PRKN: variants seen among roughly 807,000 people sequenced by gnomAD.
PRKN encodes E3 ubiquitin-protein ligase parkin.
A neutral mutation model predicts 59.5 loss-of-function variants in PRKN; 56 were observed. That is an observed-to-expected ratio of 0.94 (90% CI 0.76 to 1.18). PRKN has a LOEUF of 1.18. PRKN is among the 50% of genes most tolerant of loss of function. PRKN has a pLI of 0.00. For missense variants in PRKN, 657 were observed against 596.4 expected (o/e 1.10, Z -1.06); for synonymous variants, 250 against 222.1 (o/e 1.13, Z -1.12).
rs553653865 is a variant in PRKN at position 161,762,262 on chromosome 6, A to G, written c.871+23510T>C. On this transcript the variant is annotated intron_variant, in intron 7 of 11. Coordinates refer to ENST00000366898, the MANE Select transcript of PRKN (RefSeq NM_004562.3). Reference sequence around the variant, plus strand: ...TTAGCATAAGACAGTGAGCGAATGGACAGCAGTGGGAGAACCTGACAATGA... The same window carrying G: ...TTAGCATAAGACAGTGAGCGAATGGGCAGCAGTGGGAGAACCTGACAATGA... Among the ~76,000 whole-genome samples the G allele has an allele frequency of 7.9e-4, 121 of 152,372 alleles. 1 individual carries two copies. The highest frequency in any genetic ancestry group is 2.8e-3 in the African/African-American group (115 of 41,592).
intron 4 of PRKN, among the ~76,000 whole-genome samples, chr6:162,093,324 A>G (rs1332204238): frequency 2.6e-5 from 4 of 152,168 alleles, no homozygotes. Context: ...CCTTGCCTCT[A>G]CCAGGAACTC....
chr6:162,267,044 TGA>T (rs1277460624), intron 2 of PRKN, among the ~76,000 whole-genome samples: 1 of 152,154 alleles, frequency 6.6e-6, no homozygotes, highest in Non-Finnish European at 1.5e-5. Flanking sequence ...GTGAAGAACC[TGA>T]GTGAATTTTC....
intron 1 of PRKN, among the ~76,000 whole-genome samples, chr6:162,713,792 G>C (rs1240546916): frequency 6.6e-6 from 1 of 152,116 alleles, no homozygotes; most frequent in Non-Finnish European, 1.5e-5. Flanking sequence ...TAACCATTCA[G>C]AAGCAGAATT....
chr6:161,784,689 G>A (rs1463778087), intron 7 of PRKN, among the ~76,000 whole-genome samples: 4 of 152,110 alleles, frequency 2.6e-5, no homozygotes, highest in African/African-American at 7.2e-5. Context: ...AATATAAAAC[G>A]GTACAGCAGC....
At chr6:162,180,212 A>G (rs1783735809) in intron 4 of PRKN, among the ~76,000 whole-genome samples, 2 of 152,162 alleles carry the variant, frequency 1.3e-5, no homozygotes, top group Admixed American at 6.6e-5. Context: ...GTTTTCCCCA[A>G]CTAAACATTT....
chr6:162,449,609 C>T (rs1316708529), intron 1 of PRKN, among the ~76,000 whole-genome samples: 1 of 151,258 alleles, frequency 6.6e-6, no homozygotes, highest in African/African-American at 2.4e-5. Flanking sequence ...TAACTATTAC[C>T]TGCATACTCA....
At position 161,377,728 on chromosome 6, in the gene PRKN, A is replaced by T. The variant is rs1423781663; in HGVS notation, c.1167+9066T>A. On this transcript the variant is annotated intron_variant, in intron 10 of 11. Transcript: ENST00000366898. The surrounding 1 kb of genome is among the most constrained non-coding windows in gnomAD (Gnocchi z 4.2). ...CCTCGGGAATGGGATTAGTGCCCTT[A>T]TAAAGAGAGGGCATTAACCAGTCAC... 6.6e-6 allele frequency among the ~76,000 whole-genome samples: 1 copy of T among 152,140 alleles called. No individual in the cohort carries two copies. Among genetic ancestry groups the T allele is most frequent in the Non-Finnish European group, 1.5e-5 (1 of 68,038 alleles).
intron 1 of PRKN, among the ~76,000 whole-genome samples, chr6:162,612,398 G>T (rs1782228998): frequency 6.6e-6 from 1 of 151,730 alleles, no homozygotes; most frequent in African/African-American, 2.4e-5. Flanking sequence ...CGAAGGTTTA[G>T]ACATGTTAAC....
rs1784634083 is a variant in PRKN at position 161,353,341 on chromosome 6, A to AGGCCAAGAAGAATCTAGACC, written c.1286-3150_1286-3131dup. Among the ~76,000 whole-genome samples, 1 of 152,160 alleles carries AGGCCAAGAAGAATCTAGACC rather than the reference A, an allele frequency of 6.6e-6. No individual in the cohort carries two copies. Among genetic ancestry groups the AGGCCAAGAAGAATCTAGACC allele is most frequent in the African/African-American group, 2.4e-5 (1 of 41,446 alleles). On this transcript the variant is annotated intron_variant, in intron 11 of 11. Transcript: ENST00000366898. This position sits in a 1 kb window ranked among gnomAD's most constrained non-coding sequence, Gnocchi z 4.8. ...CTGGAGGAAGGAATGCTGCACAGGGAGGCCAAGAAGAATCTAGACCGGCAG... is the reference window on the plus strand; with the variant it reads ...CTGGAGGAAGGAATGCTGCACAGGGAGGCCAAGAAGAATCTAGACCGGCCAAGAAGAATCTAGACCGGCAG...
chr6:162,118,053 G>A (rs763092894), intron 4 of PRKN, among the ~76,000 whole-genome samples: 4 of 151,994 alleles, frequency 2.6e-5, no homozygotes, highest in Non-Finnish European at 5.9e-5. Context: ...CCAAGATCAC[G>A]CTGTTGCACT....
At chr6:162,589,069 T>G (rs1781193910) in intron 1 of PRKN, among the ~76,000 whole-genome samples, 1 of 152,166 alleles carries the variant, frequency 6.6e-6, no homozygotes. Flanking sequence ...CCATGGCTCA[T>G]CAATCTTGTA....
At position 161,573,525 on chromosome 6, in the gene PRKN, C is replaced by T. The variant is rs1166934035; in HGVS notation, c.872-4109G>A. On this transcript the variant is annotated intron_variant, in intron 7 of 11. Transcript: ENST00000366898. ...CACGAGGTCAGGAGATTGAGACCAT[C>T]GTGGCTAATACAGTGAAACCCCGTC... Among the ~76,000 whole-genome samples the T allele has an allele frequency of 4.0e-5, 6 of 150,768 alleles. No individual in the cohort carries two copies. In the East Asian group the frequency reaches 7.9e-4, roughly 20 times the overall value.
At chr6:162,015,040 A>G (rs1240440323) in intron 5 of PRKN, among the ~76,000 whole-genome samples, 1 of 152,182 alleles carries the variant, frequency 6.6e-6, no homozygotes, top group Non-Finnish European at 1.5e-5. Flanking sequence ...AATTTAAAAC[A>G]TATTATCTTG....
chr6:162,391,550 T>C (rs1383947900), intron 2 of PRKN, among the ~76,000 whole-genome samples: 151 of 101,654 alleles, frequency 1.5e-3, no homozygotes, highest in Middle Eastern at 9.3e-3. Flanking sequence ...ATGACTTCCT[T>C]CTGGAAGATA....
chr6:162,043,035 C>T (rs572806025), intron 5 of PRKN, among the ~76,000 whole-genome samples: 131 of 152,234 alleles, frequency 8.6e-4, no homozygotes, highest in African/African-American at 3.1e-3. Context: ...GCCTCATAAT[C>T]ATGGCGGGAG....
intron 1 of PRKN, among the ~76,000 whole-genome samples, chr6:162,552,949 C>T (rs1026543460): frequency 2.0e-4 from 30 of 152,188 alleles, no homozygotes; most frequent in African/African-American, 5.8e-4. Flanking sequence ...TCCACAGTGC[C>T]CAGTGCTGGA....
chr6:161,991,697 G>C (rs183590570), intron 5 of PRKN, among the ~76,000 whole-genome samples: 1 of 152,018 alleles, frequency 6.6e-6, no homozygotes, highest in East Asian at 2.0e-4. Context: ...CAAAAAATTA[G>C]CCTGGAGTGG....
rs115628384 is a variant in PRKN at position 162,151,975 on chromosome 6, T to C, written c.534+49156A>G. Among the ~76,000 whole-genome samples the C allele has an allele frequency of 9.0e-3, 1,370 of 152,284 alleles. 25 individuals are homozygous for C. Among genetic ancestry groups the C allele is most frequent in the African/African-American group, 0.031 (1,292 of 41,550 alleles). On this transcript the variant is annotated intron_variant, in intron 4 of 11. Coordinates refer to ENST00000366898, the MANE Select transcript of PRKN (RefSeq NM_004562.3). Reference sequence around the variant, plus strand: ...TTTAGCAAAAAAAATCAAATAATTATAATGCTTTATGTACCCTTAAATTAG... The same window carrying C: ...TTTAGCAAAAAAAATCAAATAATTACAATGCTTTATGTACCCTTAAATTAG...
chr6:162,700,905 G>A (rs1294124896), intron 1 of PRKN, among the ~76,000 whole-genome samples: 1 of 151,972 alleles, frequency 6.6e-6, no homozygotes, highest in African/African-American at 2.4e-5. Flanking sequence ...ATTTCAATCT[G>A]CATTAGGTTT....
Sources: allele counts gnomAD v4.1 joint callset (sites outside exome capture counted in the v4.1 genomes callset), GRCh38; gene constraint gnomAD v4.1.1; non-coding constraint Gnocchi (gnomAD v3.1); transcripts MANE v1.5; gene names NCBI Gene and HGNC (gene_info 2026-07-23, HGNC 2026-07-21).